MORF4L1: variants seen among roughly 807,000 people sequenced by gnomAD.
MORF4L1 encodes the protein mortality factor 4-like protein 1.
MORF4L1 carries 4 observed loss-of-function variants against 52.9 expected under a neutral mutation model. That is an observed-to-expected ratio of 0.08 (90% CI 0.04 to 0.17). The LOEUF (loss-of-function observed/expected upper bound fraction) is 0.17. Ranked by LOEUF, MORF4L1 falls within the 10% of genes least tolerant of loss-of-function variation. MORF4L1 has a pLI of 1.00. For missense variants in MORF4L1, 214 were observed against 390.4 expected (o/e 0.55, Z 3.81); for synonymous variants, 123 against 134.8 (o/e 0.91, Z 0.61).
At chr15:78,874,575 TTTTC>T (rs1186202158) in intron 1 of MORF4L1, among the ~76,000 whole-genome samples, 3 of 117,794 alleles carry the variant, frequency 2.5e-5, no homozygotes, top group East Asian at 2.6e-4. Context: ...TTTCTTTTCT[TTTTC>T]TTTCTTTTTT....
intron 10 of MORF4L1, chr15:78,894,531 C>T (rs867336133): frequency 2.6e-6 from 1 of 381,970 alleles, no homozygotes; most frequent in Middle Eastern, 7.1e-4. Context: ...CCTCAGCCTC[C>T]CAAGTAGCTG....
chr15:78,894,279 C>T (rs780749129), intron 10 of MORF4L1, 49 bp downstream of exon 10: 8 of 1,448,828 alleles, frequency 5.5e-6, no homozygotes, highest in Non-Finnish European at 7.5e-6. Context: ...GGGGGGTCTT[C>T]TCTAAATGAA....
intron 7 of MORF4L1, among the ~76,000 whole-genome samples, 200 bp from the exon 8 acceptor site, chr15:78,892,012 A>G (rs963850342): frequency 2.0e-5 from 3 of 152,218 alleles, no homozygotes; most frequent in East Asian, 1.9e-4. Flanking sequence ...TAAATAGACT[A>G]TAGTTCAGGT....
rs1348089850 is a variant in MORF4L1 at position 78,894,870 on chromosome 15, G to C, written c.853G>C (p.Ala285Pro). Reference protein sequence around the residue: ...AYTPLDEKSLALLLNYLHDFL... With the variant: ...AYTPLDEKSLPLLLNYLHDFL... ...TACACCTCTGGATGAGAAGAGCCTT[G>C]CTTTATTACTCAATTATCTTCACGA... Residue 285 changes from alanine to proline, a missense_variant, in exon 11 of 12, where the codon GCT (alanine) becomes CCT (proline). Physicochemically the swap from Ala to Pro is conservative, Grantham distance 27. Around this residue, in one of 5 missense-constraint regions of MORF4L1, gnomAD observed 68 missense variants for 171.6 expected, o/e 0.40. Coordinates refer to ENST00000426013, the MANE Select transcript of MORF4L1 (RefSeq NM_006791.4). 1.2e-6 allele frequency: 2 copies of C among 1,613,658 alleles called. No homozygotes were observed. The highest frequency in any genetic ancestry group is 8.5e-7 in the Non-Finnish European group (1 of 1,179,616).
intron 3 of MORF4L1, chr15:78,884,987 G>T (rs1555439856): frequency 6.2e-7 from 1 of 1,613,900 alleles, no homozygotes. Flanking sequence ...AGGCCCAGGC[G>T]CTCTGAAAAA....
At chr15:78,885,757 C>T (rs1239045380) in intron 3 of MORF4L1, among the ~76,000 whole-genome samples, 2 of 152,170 alleles carry the variant, frequency 1.3e-5, no homozygotes, top group Non-Finnish European at 2.9e-5. Context: ...TCATTACACA[C>T]AGCTGGTTTT....
At chr15:78,879,031 CTACTTTTTTTTTTCCT>C (rs540485104) in intron 2 of MORF4L1, among the ~76,000 whole-genome samples, 24 of 145,598 alleles carry the variant, frequency 1.6e-4, no homozygotes, top group Admixed American at 6.8e-5. Flanking sequence ...GCCATTTTCA[CTACTTTTTTTTTTCCT>C]GTGTTCTAAA....
At chr15:78,882,026 A>G (rs190014168) in intron 3 of MORF4L1, among the ~76,000 whole-genome samples, 2 of 152,362 alleles carry the variant, frequency 1.3e-5, no homozygotes, top group Non-Finnish European at 2.9e-5. Flanking sequence ...GTTTTCACGT[A>G]TCAGATGTTT....
At chr15:78,894,503 G>C in intron 10 of MORF4L1, 1 of 369,500 alleles carries the variant, frequency 2.7e-6, no homozygotes, top group Non-Finnish European at 4.9e-6. Context: ...CCGCCTCCTG[G>C]GTTCAACAAT....
At chr15:78,878,110 T>A (rs2056530578) in intron 1 of MORF4L1, 103 bp from the exon 2 acceptor site, 2 of 1,191,180 alleles carry the variant, frequency 1.7e-6, no homozygotes, top group Non-Finnish European at 2.3e-6. Flanking sequence ...TTTTTCCTAA[T>A]TTGGCTAGGA....
chr15:78,876,973 T>C (rs900206954), intron 1 of MORF4L1, among the ~76,000 whole-genome samples: 3 of 152,116 alleles, frequency 2.0e-5, no homozygotes, highest in Non-Finnish European at 4.4e-5. Flanking sequence ...GGAGTCTTGC[T>C]CTCCCATCCG....
chr15:78,885,263 A>G (rs1321685421), intron 3 of MORF4L1, among the ~76,000 whole-genome samples: 1 of 152,204 alleles, frequency 6.6e-6, no homozygotes, highest in Non-Finnish European at 1.5e-5. Context: ...TCACTAAAGG[A>G]GCTCCATCAG....
intron 1 of MORF4L1, among the ~76,000 whole-genome samples, chr15:78,875,072 T>A (rs1341682324): frequency 6.6e-6 from 1 of 152,174 alleles, no homozygotes. Flanking sequence ...AGCCAAGTCT[T>A]GTTTGTCCTG....
At chr15:78,887,234 A>G (rs779128619) in intron 4 of MORF4L1, 35 bp from the exon 5 acceptor site, 4 of 1,548,634 alleles carry the variant, frequency 2.6e-6, no homozygotes, top group Non-Finnish European at 3.5e-6. Flanking sequence ...ATAAATGCTC[A>G]TTTTATGTTG....
At chr15:78,877,540 A>C (rs2141589209) in intron 1 of MORF4L1, among the ~76,000 whole-genome samples, 1 of 152,238 alleles carries the variant, frequency 6.6e-6, no homozygotes, top group East Asian at 1.9e-4. Flanking sequence ...AGCTACACTC[A>C]AATGTAATCT....
At chr15:78,888,388 G>C (rs944515201) in intron 5 of MORF4L1, among the ~76,000 whole-genome samples, 1 of 151,818 alleles carries the variant, frequency 6.6e-6, no homozygotes. Context: ...GGTCACTTGA[G>C]CCCAGGAGGT....
At chr15:78,890,901 C>G in intron 5 of MORF4L1, 88 bp from the exon 6 acceptor site, 1 of 1,217,092 alleles carries the variant, frequency 8.2e-7, no homozygotes. Flanking sequence ...GTTAGTATTT[C>G]TCTGTGAACT....
At chr15:78,876,130 G>A (rs2056485200) in intron 1 of MORF4L1, among the ~76,000 whole-genome samples, 1 of 151,804 alleles carries the variant, frequency 6.6e-6, no homozygotes, top group Admixed American at 6.6e-5. Flanking sequence ...TAGAGACGGG[G>A]TTTCACCATG....
intron 8 of MORF4L1, chr15:78,892,526 T>C (rs557290438): frequency 3.3e-5 from 14 of 418,786 alleles, no homozygotes; most frequent in Middle Eastern, 6.5e-4. Context: ...GAGGTTATAA[T>C]GATAAAGGTG....
Sources: allele counts gnomAD v4.1 joint callset (sites outside exome capture counted in the v4.1 genomes callset), GRCh38; gene constraint gnomAD v4.1.1; regional missense constraint gnomAD v4.1.1; transcripts MANE v1.5; gene names NCBI Gene and HGNC (gene_info 2026-07-23, HGNC 2026-07-21).